Variants in SLC49A4 observed in about 807,000 individuals in gnomAD.
The protein encoded by SLC49A4 is solute carrier family 49 member 4.
A neutral mutation model predicts 50.6 loss-of-function variants in SLC49A4; 36 were observed. That is an observed-to-expected ratio of 0.71 (90% CI 0.55 to 0.94). The LOEUF (loss-of-function observed/expected upper bound fraction) is 0.94, where lower values mean the gene tolerates loss of function less well. Ranked by LOEUF, SLC49A4 falls within the 40% of genes least tolerant of loss-of-function variation. SLC49A4 has a pLI of 0.00. For missense variants in SLC49A4, 503 were observed against 605.7 expected (o/e 0.83, Z 1.78); for synonymous variants, 248 against 241.2 (o/e 1.03, Z -0.26).
intron 2 of SLC49A4, among the ~76,000 whole-genome samples, chr3:122,820,710 C>T (rs1355881178): frequency 1.3e-5 from 2 of 152,246 alleles, no homozygotes; most frequent in East Asian, 3.9e-4. Context: ...GCATTGTCCT[C>T]TGTGGGCAGG....
chr3:122,838,712 T>C (rs1478992286), intron 4 of SLC49A4, among the ~76,000 whole-genome samples: 2 of 150,792 alleles, frequency 1.3e-5, no homozygotes, highest in Non-Finnish European at 3.0e-5. Flanking sequence ...ATAATAATAA[T>C]AAAATAAAAT....
chr3:122,799,714 G>A (rs1406521192), intron 1 of SLC49A4, among the ~76,000 whole-genome samples: 1 of 152,240 alleles, frequency 6.6e-6, no homozygotes, highest in Non-Finnish European at 1.5e-5. Flanking sequence ...CCAGATGGGA[G>A]CTGATGATGG....
rs769484443 is a variant in SLC49A4 at position 122,795,430 on chromosome 3, C to T, written c.238C>T (p.Arg80Cys). 7.5e-6 allele frequency: 12 copies of T among 1,607,906 alleles called. No individual in the cohort carries two copies. Among genetic ancestry groups the T allele is most frequent in the Middle Eastern group, 1.9e-4 (1 of 5,250 alleles). The change falls in exon 1 of 9, where the codon CGC becomes TGC. Residue 80 changes from arginine to cysteine, a missense_variant. Arg to Cys is a radical substitution (Grantham distance 180). Transcript: ENST00000261038. ...NTWGPIQNSARQAYGFSSWDI... is the reference protein window; with the variant it reads ...NTWGPIQNSACQAYGFSSWDI... ...CTGGGGTCCCATCCAGAACTCGGCG[C>T]GCCAGGCCTACGGCTTCTCCAGCTG...
intron 2 of SLC49A4, among the ~76,000 whole-genome samples, chr3:122,823,047 A>G (rs910475857): frequency 1.3e-5 from 2 of 152,104 alleles, no homozygotes; most frequent in African/African-American, 4.8e-5. Context: ...AGGGTGTCCC[A>G]TTCTGGCTTT....
intron 6 of SLC49A4, among the ~76,000 whole-genome samples, chr3:122,856,690 C>A (rs1936994153): frequency 6.6e-6 from 1 of 151,772 alleles, no homozygotes. Context: ...CACAAAATTA[C>A]CTGGGTGTGG....
At chr3:122,836,096 C>A (rs1005892342) in intron 4 of SLC49A4, among the ~76,000 whole-genome samples, 13 of 152,076 alleles carry the variant, frequency 8.5e-5, no homozygotes, top group African/African-American at 2.9e-4. Flanking sequence ...TGAAAGAAAT[C>A]ATAGATGCCC....
chr3:122,842,688 TC>T (rs1424829322), intron 4 of SLC49A4, among the ~76,000 whole-genome samples: 1 of 152,018 alleles, frequency 6.6e-6, no homozygotes, highest in African/African-American at 2.4e-5. Flanking sequence ...CTTAAAATTG[TC>T]CCCCCAACCC....
chr3:122,836,778 T>C (rs1017075911), intron 4 of SLC49A4, among the ~76,000 whole-genome samples: 1 of 152,204 alleles, frequency 6.6e-6, no homozygotes, highest in African/African-American at 2.4e-5. Flanking sequence ...AAATTGTGCC[T>C]GTTTGCAGAT....
At chr3:122,856,482 G>A in intron 6 of SLC49A4, 108 bp downstream of exon 6, 1 of 1,039,082 alleles carries the variant, frequency 9.6e-7, no homozygotes. Flanking sequence ...AGTAAAACAA[G>A]CAAAGGTCAG....
intron 2 of SLC49A4, among the ~76,000 whole-genome samples, chr3:122,817,574 TTTTA>T (rs1273494230): frequency 2.7e-4 from 41 of 151,238 alleles, no homozygotes; most frequent in Non-Finnish European, 5.9e-5. Flanking sequence ...GTGTGTGTAT[TTTTA>T]TTTATTTATT....
intron 4 of SLC49A4, among the ~76,000 whole-genome samples, chr3:122,843,949 A>G (rs372252950): frequency 1.3e-5 from 2 of 152,174 alleles, no homozygotes; most frequent in Non-Finnish European, 2.9e-5. Context: ...ACTCCATGGT[A>G]TTAATCTATC....
At chr3:122,843,291 T>C (rs976950010) in intron 4 of SLC49A4, among the ~76,000 whole-genome samples, 9 of 152,054 alleles carry the variant, frequency 5.9e-5, no homozygotes, top group African/African-American at 2.2e-4. Context: ...CATAAGTCGG[T>C]ATCAACAATT....
chr3:122,856,414 G>C (rs750985479), intron 6 of SLC49A4, 40 bp downstream of exon 6: 1 of 1,571,872 alleles, frequency 6.4e-7, no homozygotes, highest in South Asian at 1.1e-5. Flanking sequence ...GACAGAGCAG[G>C]GGGAAAAAGC....
Position 122,826,811 on chromosome 3 carries a change from G to A in SLC49A4, c.449G>A (p.Gly150Glu), listed in dbSNP as rs1232949211. 1.9e-6 allele frequency: 3 copies of A among 1,612,994 alleles called. No homozygotes were observed. The highest frequency in any genetic ancestry group is 1.3e-5 in the African/African-American group (1 of 74,886). ...TTTTTAAATTCCAGATTAATTCATG[G>A]AGGACAGATGTTAAATGGATTGGCA... Reference protein sequence around the residue: ...DLILKRRLIHGGQMLNGLAGP... With the variant: ...DLILKRRLIHEGQMLNGLAGP... The change falls in exon 3 of 9, where the codon GGA becomes GAA. Residue 150 changes from glycine (G) to glutamate (E), a missense_variant. Transcript: ENST00000261038.
intron 1 of SLC49A4, among the ~76,000 whole-genome samples, chr3:122,800,125 T>TA (rs144335913): frequency 4.6e-5 from 7 of 151,836 alleles, no homozygotes; most frequent in African/African-American, 7.3e-5. Flanking sequence ...TCTTATTGGT[T>TA]AAAAAAAAGA....
chr3:122,865,272 T>C (rs1937103004), intron 7 of SLC49A4, among the ~76,000 whole-genome samples: 1 of 152,162 alleles, frequency 6.6e-6, no homozygotes, highest in South Asian at 2.1e-4. Flanking sequence ...TCCATGGAGA[T>C]TTTCAAGAAG....
At chr3:122,820,943 G>A (rs1157794956) in intron 2 of SLC49A4, among the ~76,000 whole-genome samples, 2 of 152,234 alleles carry the variant, frequency 1.3e-5, no homozygotes, top group South Asian at 2.1e-4. Context: ...ATCTTGAACT[G>A]TAGTTCCCAT....
At chr3:122,839,225 C>T (rs995134932) in intron 4 of SLC49A4, among the ~76,000 whole-genome samples, 1 of 152,066 alleles carries the variant, frequency 6.6e-6, no homozygotes, top group Non-Finnish European at 1.5e-5. Flanking sequence ...TATCTCTCAC[C>T]TTATACAAAA....
At chr3:122,813,110 C>T (rs972211511) in intron 2 of SLC49A4, among the ~76,000 whole-genome samples, 1 of 151,886 alleles carries the variant, frequency 6.6e-6, no homozygotes, top group Non-Finnish European at 1.5e-5. Flanking sequence ...ATTAGCCGGG[C>T]GTGGAGGCGC....
Sources: allele counts gnomAD v4.1 joint callset (sites outside exome capture counted in the v4.1 genomes callset), GRCh38; gene constraint gnomAD v4.1.1; transcripts MANE v1.5; gene names NCBI Gene and HGNC (gene_info 2026-07-23, HGNC 2026-07-21).